Variants in LOXHD1 observed in about 807,000 individuals in gnomAD.
LOXHD1 encodes the protein lipoxygenase homology domain-containing protein 1.
A neutral mutation model predicts 248.2 loss-of-function variants in LOXHD1; 205 were observed. That is an observed-to-expected ratio of 0.83 (90% CI 0.74 to 0.93). The LOEUF is 0.93. Among genes scored for constraint, LOXHD1 ranks in the 40% least tolerant of loss-of-function variants. The pLI, the probability that LOXHD1 is intolerant of heterozygous loss-of-function variation, is 0.00. For synonymous variants in LOXHD1, 1,113 were observed against 1,162.8 expected (o/e 0.96, Z 0.87); for missense variants, 2,930 against 2,971.6 (o/e 0.99, Z 0.33).
chr18:46,520,763 G>T, intron 33 of LOXHD1: 1 of 274,536 alleles, frequency 3.6e-6, no homozygotes, highest in Non-Finnish European at 6.9e-6. Flanking sequence ...TACTCACAAA[G>T]CTCTTCATGA....
intron 24 of LOXHD1, among the ~76,000 whole-genome samples, chr18:46,542,164 G>T (rs2036587844): frequency 6.6e-6 from 1 of 152,198 alleles, no homozygotes; most frequent in African/African-American, 2.4e-5. Flanking sequence ...ATTAGTAAGA[G>T]TAAAAGAGCA....
intron 12 of LOXHD1, among the ~76,000 whole-genome samples, chr18:46,588,752 G>A (rs930414501): frequency 9.2e-5 from 14 of 152,124 alleles, no homozygotes; most frequent in African/African-American, 9.7e-5. Context: ...CTCTCTGTCC[G>A]ATTTCAGAAC....
At position 46,495,837 on chromosome 18, in the gene LOXHD1, G is replaced by A. The variant is rs1173957039; in HGVS notation, c.5879-6695C>T. Among the ~76,000 whole-genome samples the A allele has an allele frequency of 2.0e-5, 3 of 152,142 alleles. No individual in the cohort carries two copies. In the East Asian group the frequency reaches 5.8e-4, roughly 29 times the overall value. On this transcript the variant is annotated intron_variant, in intron 37 of 40. Coordinates refer to ENST00000642948, the MANE Select transcript of LOXHD1 (RefSeq NM_001384474.1). The stretch of plus-strand genomic sequence containing the variant: ...AACTGTTCATTTTAAAAAGAGATCA[G>A]CCTGACCAACATGGTGAAACCCTGT...
intron 23 of LOXHD1, chr18:46,544,807 T>C (rs1263854431): frequency 2.1e-6 from 1 of 471,252 alleles, no homozygotes; most frequent in Non-Finnish European, 4.4e-6. Context: ...TAGGTCCATT[T>C]ATTCTTCAAT....
intron 6 of LOXHD1, among the ~76,000 whole-genome samples, chr18:46,606,291 A>G (rs955091947): frequency 1.1e-4 from 16 of 152,190 alleles, no homozygotes; most frequent in African/African-American, 3.6e-4. Flanking sequence ...ATAAGGCATG[A>G]AACGTTTGTC....
intron 18 of LOXHD1, among the ~76,000 whole-genome samples, chr18:46,562,414 T>G (rs2037548374): frequency 1.3e-5 from 2 of 152,196 alleles, no homozygotes; most frequent in Admixed American, 6.5e-5. Context: ...CATTCATGTT[T>G]CTCCTAAGGG....
intron 5 of LOXHD1, among the ~76,000 whole-genome samples, chr18:46,617,884 G>A (rs2038611641): frequency 6.6e-6 from 1 of 152,232 alleles, no homozygotes; most frequent in African/African-American, 2.4e-5. Flanking sequence ...TAGAGTAAGT[G>A]AGAATGAGTT....
intron 4 of LOXHD1, among the ~76,000 whole-genome samples, chr18:46,625,917 C>G (rs1392546260): frequency 1.3e-5 from 2 of 152,148 alleles, no homozygotes; most frequent in African/African-American, 4.8e-5. Flanking sequence ...CCTTTCCAAC[C>G]CAGACTCTAG....
At chr18:46,648,431 A>AAT (rs2039061142) in intron 2 of LOXHD1, among the ~76,000 whole-genome samples, 1 of 152,194 alleles carries the variant, frequency 6.6e-6, no homozygotes, top group South Asian at 2.1e-4. Flanking sequence ...CAAATGTTTC[A>AAT]TGGACTCAGA....
In LOXHD1 at chr18:46,524,568, T is replaced by C. The variant is rs1471105046; in HGVS notation, c.4774A>G (p.Ser1592Gly). The change falls in exon 31 of 41, where the codon AGC becomes GGC. Residue 1592 changes from serine (S) to glycine (G), a missense_variant. Ser to Gly is a moderately conservative substitution (Grantham distance 56, BLOSUM62 0). Transcript: ENST00000642948. ...GCGATCTCCCAGAAGTCAGCAGGGC[T>C]GCTGCAGTTGCTGCTGCGGTCCCCA... ...YTGDRSSNCS[S>G]PADFWEIALS... 3 of 1,551,734 alleles carry C rather than the reference T, an allele frequency of 1.9e-6. No individual in the cohort carries two copies. Among genetic ancestry groups the C allele is most frequent in the Non-Finnish European group, 2.6e-6 (3 of 1,146,994 alleles).
At chr18:46,563,318 G>C in intron 17 of LOXHD1, 93 bp from the exon 18 acceptor site, 1 of 1,272,020 alleles carries the variant, frequency 7.9e-7, no homozygotes, top group Non-Finnish European at 1.0e-6. Flanking sequence ...GCCTGTTCCA[G>C]GTGCCTGGCG....
At chr18:46,593,460 G>T (rs2038208350) in intron 10 of LOXHD1, 140 bp downstream of exon 10, 1 of 858,162 alleles carries the variant, frequency 1.2e-6, no homozygotes. Flanking sequence ...GTCTCCCTTT[G>T]CAGGGACCTA....
At position 46,494,847 on chromosome 18, in the gene LOXHD1, C is replaced by CTTTTTTTTTTTT. The variant is rs1256277774; in HGVS notation, c.5879-5706_5879-5705insAAAAAAAAAAAA. ...ATTTTTCTTTCTCCTTTTTCTCTCT[C>CTTTTTTTTTTTT]TCTTTTTTTTTTTTTTTTTTTTTTG... On this transcript the variant is annotated intron_variant, in intron 37 of 40. Coordinates refer to ENST00000642948, the MANE Select transcript of LOXHD1 (RefSeq NM_001384474.1). Among the ~76,000 whole-genome samples, 166 of 113,378 alleles carry CTTTTTTTTTTTT rather than the reference C, an allele frequency of 1.5e-3. 10 individuals are homozygous for CTTTTTTTTTTTT. Among genetic ancestry groups the CTTTTTTTTTTTT allele is most frequent in the Non-Finnish European group, 2.0e-3 (103 of 52,080 alleles). The allele number at this position is 113,378 out of a possible 152,430, so 74.4% of individuals were successfully genotyped here. A position where few individuals can be genotyped will look rare whatever the true frequency, so the allele number is the denominator to read the frequency against.
At chr18:46,514,959 C>G (rs1042871780) in intron 34 of LOXHD1, among the ~76,000 whole-genome samples, 1 of 152,196 alleles carries the variant, frequency 6.6e-6, no homozygotes, top group Non-Finnish European at 1.5e-5. Context: ...TATGCATTAC[C>G]TTTTAGGGCA....
Position 46,477,509 on chromosome 18 carries a change from T to TC in LOXHD1, c.6784dup (p.Asp2262GlyfsTer16). ...GAAGAGGTCTCTCCAGGTGAGTCCATCCCCCCGCTTCTTGTCCAGCCACCT... is the reference window on the plus strand; with the variant it reads ...GAAGAGGTCTCTCCAGGTGAGTCCATCCCCCCCGCTTCTTGTCCAGCCACCT... On this transcript the variant is annotated frameshift_variant, in exon 41 of 41. Coordinates refer to ENST00000642948, the MANE Select transcript of LOXHD1 (RefSeq NM_001384474.1). LOFTEE classifies it high-confidence loss of function. 1 of 1,550,316 alleles carries TC rather than the reference T, an allele frequency of 6.5e-7. No individual in the cohort carries two copies. The highest frequency in any genetic ancestry group is 8.7e-7 in the Non-Finnish European group (1 of 1,146,862).
At chr18:46,627,301 C>T (rs1380331057) in intron 4 of LOXHD1, among the ~76,000 whole-genome samples, 2 of 152,118 alleles carry the variant, frequency 1.3e-5, no homozygotes, top group African/African-American at 4.8e-5. Context: ...CCAGCAGAGA[C>T]CCAGCCCCAG....
chr18:46,577,834 G>A lies in LOXHD1; in HGVS notation c.1843C>T (p.Arg615Trp), dbSNP rs112463030. Residue 615 changes from arginine (R) to tryptophan (W), a missense_variant, in exon 14 of 41, where the codon CGG becomes TGG. Arg to Trp is a moderately radical substitution (Grantham distance 101). Transcript: ENST00000642948. ...CTGATCCTCACCCGCCTCACATTCC[G>A]CATGGTGACAGACTCGATAGTGAAC... ...DEFTIESVTM[R>W]NVRRVRIRHD... is the part of the protein sequence containing the mutation. 155 of 1,551,476 alleles carry A rather than the reference G, an allele frequency of 1.0e-4. No homozygotes were observed. Among genetic ancestry groups the A allele is most frequent in the Middle Eastern group, 3.3e-4 (2 of 6,014 alleles).
chr18:46,616,194 C>T (rs328129), intron 5 of LOXHD1, among the ~76,000 whole-genome samples: 130,435 of 152,198 alleles, frequency 0.86, 56,058 homozygotes, highest in East Asian at 0.98. Context: ...ATTAGCCATG[C>T]TTTTTCTTTG....
intron 7 of LOXHD1, among the ~76,000 whole-genome samples, chr18:46,602,263 T>A (rs1439364993): frequency 6.6e-6 from 1 of 152,200 alleles, no homozygotes; most frequent in African/African-American, 2.4e-5. Flanking sequence ...TGGAATCTAG[T>A]GGTGTGATCT....
Sources: allele counts gnomAD v4.1 joint callset (sites outside exome capture counted in the v4.1 genomes callset), GRCh38; gene constraint gnomAD v4.1.1; transcripts MANE v1.5; gene names NCBI Gene and HGNC (gene_info 2026-07-23, HGNC 2026-07-21).